The following LRP2BP variants were observed in gnomAD, a reference collection of about 807,000 sequenced individuals.
The protein encoded by LRP2BP is LRP2 binding protein.
Under a neutral mutation model 45.2 loss-of-function variants are expected in LRP2BP, and 38 were observed. The observed-to-expected ratio is 0.84, with a 90% confidence interval of 0.65 to 1.10. The LOEUF is 1.10. Ranked by LOEUF, LRP2BP falls within the 50% of genes least tolerant of loss-of-function variation. The pLI is 0.00. For synonymous variants in LRP2BP, 153 were observed against 153.9 expected, an observed-to-expected ratio of 0.99 and a Z score of 0.04; for missense variants, 385 against 418.9, an observed-to-expected ratio of 0.92 and a Z score of 0.71.
chr4:185,388,352 T>C (rs1277990610), intron 1 of LRP2BP, among the ~76,000 whole-genome samples: 1 of 141,286 alleles, frequency 7.1e-6, no homozygotes, highest in African/African-American at 2.7e-5. Flanking sequence ...ACCTTTGATA[T>C]AGCCATGTCC....
chr4:185,388,739 GAAGAA>G (rs535142718), intron 1 of LRP2BP, among the ~76,000 whole-genome samples: 32 of 152,092 alleles, frequency 2.1e-4, no homozygotes, highest in Non-Finnish European at 3.7e-4. Flanking sequence ...TTGTTTAAAT[GAAGAA>G]AATAGGTTGC....
chr4:185,394,359 A>G (rs2095496362), intron 1 of LRP2BP, among the ~76,000 whole-genome samples: 1 of 151,988 alleles, frequency 6.6e-6, no homozygotes. Context: ...TTTAAAACAC[A>G]TAGGTATAAG....
At position 185,365,478 on chromosome 4, in the gene LRP2BP, C is replaced by T. The variant is rs2095383681; in HGVS notation, c.*1702G>A. 1 of 151,968 alleles carries T rather than the reference C, an allele frequency of 6.6e-6. No homozygotes were observed. Among genetic ancestry groups the T allele is most frequent in the East Asian group, 1.9e-4 (1 of 5,180 alleles). The allele number at this position is 151,968 out of a possible 1,614,324, so 9.4% of individuals were successfully genotyped here. A position where few individuals can be genotyped will look rare whatever the true frequency, so the allele number is the denominator to read the frequency against. On this transcript the variant is annotated 3_prime_UTR_variant, in exon 9 of 9. Transcript: ENST00000505916. Reference sequence around the variant, plus strand: ...TCAAGCAGTTCTTCTGTCTCAGCCTCCCGAGTAGCTGGGACTACAGGCGTC... The same window carrying T: ...TCAAGCAGTTCTTCTGTCTCAGCCTTCCGAGTAGCTGGGACTACAGGCGTC...
At chr4:185,383,566 G>A (rs569784659) in intron 1 of LRP2BP, among the ~76,000 whole-genome samples, 6 of 152,220 alleles carry the variant, frequency 3.9e-5, no homozygotes, top group Middle Eastern at 3.4e-3. Context: ...CAGTTACCAC[G>A]GCAGGCCCGA....
chr4:185,364,461 TAAAC>T lies in LRP2BP; in HGVS notation c.*2715_*2718del, dbSNP rs1363467827. ...CCAAGAATATTGAAAACAAAACAAT[TAAAC>T]AAGTAACAGGTAAAAATTCCATTTG... On this transcript the variant is annotated 3_prime_UTR_variant, in exon 9 of 9. Coordinates refer to ENST00000505916, the MANE Select transcript of LRP2BP (RefSeq NM_001377440.1). The T allele has an allele frequency of 6.6e-6, 1 of 152,070 alleles. No homozygotes were observed. The highest frequency in any genetic ancestry group is 6.6e-5 in the Admixed American group (1 of 15,262). 9.4% of individuals were successfully genotyped at this position (152,070 alleles called of 1,614,324 possible).
rs2095377892 is a variant in LRP2BP, at chr4:185,364,021, A to G, written c.*3159T>C. On this transcript the variant is annotated 3_prime_UTR_variant, in exon 9 of 9. Transcript: ENST00000505916. ...TATATCTCAAAGAGGTTGAAACTCT[A>G]CAGGCTGTTCAAATATTTATCAAAT... The G allele has an allele frequency of 6.5e-6, 1 of 152,766 alleles. No homozygotes were observed. The highest frequency in any genetic ancestry group is 2.1e-4 in the South Asian group (1 of 4,832). 9.5% of individuals were successfully genotyped at this position (152,766 alleles called of 1,614,324 possible).
At chr4:185,388,530 C>T (rs1009912839) in intron 1 of LRP2BP, among the ~76,000 whole-genome samples, 3 of 133,672 alleles carry the variant, frequency 2.2e-5, no homozygotes, top group South Asian at 2.5e-4. Flanking sequence ...ACCTACCTAT[C>T]TATCTATCTA....
At chr4:185,368,923 AGC>A in intron 8 of LRP2BP, among the ~76,000 whole-genome samples, 1 of 150,908 alleles carries the variant, frequency 6.6e-6, no homozygotes, top group Non-Finnish European at 1.5e-5. Context: ...CCTCCCGAGT[AGC>A]TGGGACTATG....
At chr4:185,371,135 G>A (rs2095413347) in intron 7 of LRP2BP, 1 of 223,676 alleles carries the variant, frequency 4.5e-6, no homozygotes, top group Non-Finnish European at 9.0e-6. Context: ...AAACTGAACG[G>A]AGAAGAAAGC....
At position 185,367,224 on chromosome 4, in the gene LRP2BP, A is replaced by T. The variant is rs770391653; in HGVS notation, c.1000T>A (p.Leu334Met). The T allele has an allele frequency of 1.2e-6, 2 of 1,612,620 alleles. No homozygotes were observed. Among genetic ancestry groups the T allele is most frequent in the East Asian group, 4.5e-5 (2 of 44,840 alleles). The change falls in exon 9 of 9, where the codon TTG becomes ATG. Residue 334 changes from leucine (L) to methionine (M), a missense_variant. Transcript: ENST00000505916. ...YSKACRLNPA[L>M]ADELHSLLIR... ...AGTAAGGAGTGAAGTTCATCTGCCA[A>T]TGCGGGATTCAGACGACAAGCCTTA... is the stretch of plus-strand genomic sequence containing the variant.
intron 1 of LRP2BP, among the ~76,000 whole-genome samples, chr4:185,389,354 G>A (rs1036144840): frequency 2.7e-4 from 41 of 151,618 alleles, no homozygotes; most frequent in African/African-American, 8.5e-4. Context: ...GATTGCAGGC[G>A]CACACCACCA....
intron 1 of LRP2BP, among the ~76,000 whole-genome samples, chr4:185,383,315 A>G (rs2126825586): frequency 6.6e-6 from 1 of 152,254 alleles, no homozygotes; most frequent in South Asian, 2.1e-4. Context: ...TTCCAAAAAA[A>G]TTAAAAATAA....
chr4:185,377,139 C>G, intron 2 of LRP2BP, 121 bp from the exon 3 acceptor site: 1 of 730,880 alleles, frequency 1.4e-6, no homozygotes. Context: ...GTGCTCATTC[C>G]TACAACTGGC....
At chr4:185,397,020 T>TAATGCGGGGAAC (rs1256276549), upstream of LRP2BP, 4 of 1,610,704 alleles carry the variant, frequency 2.5e-6, no homozygotes, top group Admixed American at 3.3e-5. Flanking sequence ...GTCTTCTCGT[T>TAATGCGGGGAAC]AATGCGGGGA....
At position 185,374,259 on chromosome 4, in the gene LRP2BP, C is replaced by T; in HGVS notation, c.474-19G>A. 1 of 1,614,076 alleles carries T rather than the reference C, an allele frequency of 6.2e-7. No homozygotes were observed. The highest frequency in any genetic ancestry group is 1.1e-5 in the South Asian group (1 of 91,074). ...CCACAGTCTACAAGAGAAAGTGAGG[C>T]ATGTTATTCTCGGTTTCAGCATTTC... is the stretch of plus-strand genomic sequence containing the variant. On this transcript the variant is annotated intron_variant, in intron 5 of 8. Transcript: ENST00000505916.
In LRP2BP at chr4:185,374,360, A is replaced by T; in HGVS notation, c.432T>A (p.Tyr144Ter). 6.2e-7 allele frequency: 1 copy of T among 1,614,134 alleles called. No homozygotes were observed. The highest frequency in any genetic ancestry group is 1.1e-5 in the South Asian group (1 of 91,080). Residue 144 changes from tyrosine (Y) to a stop codon, truncating the protein, a stop_gained, in exon 5 of 9, where the codon TAT (tyrosine) becomes TAA (stop). Coordinates refer to ENST00000505916, the MANE Select transcript of LRP2BP (RefSeq NM_001377440.1). LOFTEE classifies it high-confidence loss of function. ...AAAYNLGRAYYEGKGVKRSNE... is the reference protein window; with the variant it reads ...AAAYNLGRAY ...TTGATCGTTTAACACCTTTTCCTTC[A>T]TAATAAGCTCTTCCGAGGTTGTAAG...
At chr4:185,379,165 A>C (rs1018222785) in intron 1 of LRP2BP, 13 of 171,658 alleles carry the variant, frequency 7.6e-5, no homozygotes, top group African/African-American at 3.1e-4. Context: ...GTCTGCATTA[A>C]AGGATTTTAT....
rs2095385550 is a variant in LRP2BP at position 185,365,695 on chromosome 4, ATAATAAT to A, written c.*1478_*1484del. 3.5e-5 allele frequency: 5 copies of A among 143,302 alleles called. No individual in the cohort carries two copies. The highest frequency in any genetic ancestry group is 1.1e-4 in the African/African-American group (4 of 37,606). The allele number at this position is 143,302 out of a possible 1,614,324, so 8.9% of individuals were successfully genotyped here. On this transcript the variant is annotated 3_prime_UTR_variant, in exon 9 of 9. Transcript: ENST00000505916. Reference sequence around the variant, plus strand: ...ACTCCGTCTCAAAAAAAAAAAAATAATAATAATAATAATAATAATAATCTTTAGGAAC... The same window carrying A: ...ACTCCGTCTCAAAAAAAAAAAAATAAAATAATAATAATAATCTTTAGGAAC...
At chr4:185,372,725 T>C (rs1021133905) in intron 7 of LRP2BP, 131 bp downstream of exon 7, 2 of 673,888 alleles carry the variant, frequency 3.0e-6, no homozygotes, top group African/African-American at 3.6e-5. Context: ...GAGGACATGA[T>C]GGTCCTCCCC....
Sources: gnomAD v4.1 joint callset for allele counts (sites outside exome capture counted in the v4.1 genomes callset) on GRCh38, gnomAD v4.1.1 for gene constraint, MANE v1.5 for transcripts, NCBI Gene and HGNC (gene_info 2026-07-23, HGNC 2026-07-21) for gene names.